The following ASIC2 variants were observed in gnomAD, a reference collection of about 807,000 sequenced individuals.
The protein encoded by ASIC2 is acid-sensing ion channel 2.
A neutral mutation model predicts 57.3 loss-of-function variants in ASIC2; 25 were observed. The ratio of observed to expected loss-of-function variants is 0.44; its 90% CI spans 0.32 to 0.61. ASIC2 has a LOEUF of 0.61. Among genes scored for constraint, ASIC2 ranks in the 20% least tolerant of loss-of-function variants. The pLI is 0.06. For missense variants in ASIC2, 641 were observed against 738.1 expected (o/e 0.87, Z 1.52); for synonymous variants, 319 against 307.5 (o/e 1.04, Z -0.39).
intron 1 of ASIC2, among the ~76,000 whole-genome samples, chr17:33,439,230 TAAGTC>T (rs2141983074): frequency 6.6e-6 from 1 of 152,304 alleles, no homozygotes; most frequent in East Asian, 1.9e-4. Flanking sequence ...TACCATGATC[TAAGTC>T]AATGTCATAA....
intron 1 of ASIC2, among the ~76,000 whole-genome samples, chr17:34,105,870 C>G (rs149296118): frequency 1.3e-5 from 2 of 152,036 alleles, no homozygotes; most frequent in Non-Finnish European, 2.9e-5. Context: ...GGAGTACTTT[C>G]TTACATAACC....
intron 1 of ASIC2, among the ~76,000 whole-genome samples, chr17:33,800,907 C>G (rs1321765921): frequency 6.6e-6 from 1 of 152,184 alleles, no homozygotes; most frequent in Non-Finnish European, 1.5e-5. Context: ...TAATGTCACA[C>G]AGCTAATCTA....
intron 1 of ASIC2, among the ~76,000 whole-genome samples, chr17:33,180,746 T>G (rs1905949360): frequency 6.6e-6 from 1 of 152,172 alleles, no homozygotes; most frequent in African/African-American, 2.4e-5. Context: ...TGATGCTTCC[T>G]ATTGACCAGA....
At chr17:33,814,012 C>T (rs540917117) in intron 1 of ASIC2, among the ~76,000 whole-genome samples, 1 of 151,998 alleles carries the variant, frequency 6.6e-6, no homozygotes, top group Non-Finnish European at 1.5e-5. Flanking sequence ...ACCTATGATT[C>T]AGGTGGGTAG....
chr17:33,096,156 C>T lies in ASIC2; in HGVS notation c.860-7166G>A, dbSNP rs377538967. On this transcript the variant is annotated intron_variant, in intron 2 of 9. Transcript: ENST00000225823. ...AGAAACTCTCTCTGAAATACAGGAA[C>T]ATTTTTCTTATTTCTTCTTATTTCC... Among the ~76,000 whole-genome samples the T allele has an allele frequency of 5.3e-5, 8 of 152,350 alleles. No individual in the cohort carries two copies. The East Asian group carries it at 1.5e-3, about 29-fold the overall frequency.
chr17:33,904,163 CAAAAAAAAAAA>C (rs769795292), intron 1 of ASIC2, among the ~76,000 whole-genome samples: 1 of 55,856 alleles, frequency 1.8e-5, no homozygotes, highest in Non-Finnish European at 3.1e-5. Flanking sequence ...AACTCCGTCT[CAAAAAAAAAAA>C]AAAAAAAAAA....
chr17:33,882,493 A>G (rs1914726964), intron 1 of ASIC2, among the ~76,000 whole-genome samples: 1 of 152,382 alleles, frequency 6.6e-6, no homozygotes, highest in African/African-American at 2.4e-5. Flanking sequence ...TTATGCAGCC[A>G]ACAGACACAT....
chr17:33,746,366 A>C, intron 1 of ASIC2, among the ~76,000 whole-genome samples: 1 of 148,988 alleles, frequency 6.7e-6, no homozygotes, highest in East Asian at 2.0e-4. Context: ...CTATATATGT[A>C]GATATACATG....
intron 1 of ASIC2, among the ~76,000 whole-genome samples, chr17:33,895,910 C>A (rs1915082895): frequency 6.6e-6 from 1 of 152,130 alleles, no homozygotes; most frequent in South Asian, 2.1e-4. Context: ...AACTTTGCAG[C>A]AAATACACTT....
At chr17:33,476,618 A>G (rs1470818424) in intron 1 of ASIC2, among the ~76,000 whole-genome samples, 1 of 150,082 alleles carries the variant, frequency 6.7e-6, no homozygotes, top group African/African-American at 2.5e-5. Context: ...GCTACCCTCA[A>G]GGGAGGTGGA....
At chr17:33,479,632 C>T (rs571111517) in intron 1 of ASIC2, among the ~76,000 whole-genome samples, 3 of 152,330 alleles carry the variant, frequency 2.0e-5, no homozygotes, top group South Asian at 4.1e-4. Flanking sequence ...CAAATACCTT[C>T]CACATTCACA....
chr17:33,072,966 G>A (rs1244253424), intron 3 of ASIC2, among the ~76,000 whole-genome samples: 4 of 152,196 alleles, frequency 2.6e-5, no homozygotes, highest in African/African-American at 7.2e-5. Flanking sequence ...CTGGATTCAC[G>A]GCACGCAGGG....
At chr17:33,726,068 G>C (rs1909550900) in intron 1 of ASIC2, among the ~76,000 whole-genome samples, 1 of 152,196 alleles carries the variant, frequency 6.6e-6, no homozygotes, top group South Asian at 2.1e-4. Flanking sequence ...ATGGAAGGCA[G>C]ACTGGCCCTG....
intron 1 of ASIC2, among the ~76,000 whole-genome samples, chr17:33,911,441 C>T (rs317338): frequency 6.6e-6 from 1 of 152,024 alleles, no homozygotes; most frequent in Non-Finnish European, 1.5e-5. Flanking sequence ...GTATTCTCAT[C>T]GTCCAGAATG....
Position 34,019,033 on chromosome 17 carries a change from G to A in ASIC2, c.555+136945C>T, listed in dbSNP as rs1034530181. ...TGCCATTCTCCTGCCTCAGCCTCCCGAGTAGCTGGGACTACAGGCGCCCGC... is the reference window on the plus strand; with the variant it reads ...TGCCATTCTCCTGCCTCAGCCTCCCAAGTAGCTGGGACTACAGGCGCCCGC... On this transcript the variant is annotated intron_variant, in intron 1 of 9. Transcript: ENST00000359872. Among the ~76,000 whole-genome samples the A allele has an allele frequency of 2.0e-5, 3 of 151,938 alleles. No individual in the cohort carries two copies. The South Asian group carries it at 6.2e-4, about 32-fold the overall frequency.
chr17:33,908,160 C>G (rs77310302), intron 1 of ASIC2, among the ~76,000 whole-genome samples: 1 of 152,136 alleles, frequency 6.6e-6, no homozygotes, highest in African/African-American at 2.4e-5. Flanking sequence ...ATTCTGTGCC[C>G]GCTGTATTCT....
chr17:33,800,500 A>G (rs1022358683), intron 1 of ASIC2, among the ~76,000 whole-genome samples: 1 of 152,158 alleles, frequency 6.6e-6, no homozygotes, highest in Non-Finnish European at 1.5e-5. Flanking sequence ...ACCCTTTCTA[A>G]CTGCTTTATC....
At chr17:33,159,571 C>T (rs1177723847) in intron 1 of ASIC2, among the ~76,000 whole-genome samples, 1 of 152,200 alleles carries the variant, frequency 6.6e-6, no homozygotes, top group Non-Finnish European at 1.5e-5. Flanking sequence ...CTGGCCTGGG[C>T]TTCTTCCACG....
At chr17:33,224,492 C>T (rs967347174) in intron 1 of ASIC2, among the ~76,000 whole-genome samples, 5 of 152,052 alleles carry the variant, frequency 3.3e-5, no homozygotes, top group Non-Finnish European at 7.4e-5. Context: ...TGTCGATCAA[C>T]AAATTGGCTA....
Sources: allele counts gnomAD v4.1 joint callset (sites outside exome capture counted in the v4.1 genomes callset), GRCh38; gene constraint gnomAD v4.1.1; transcripts MANE v1.5; gene names NCBI Gene and HGNC (gene_info 2026-07-23, HGNC 2026-07-21).